TMCO5A: variants seen among roughly 807,000 people sequenced by gnomAD.
The protein encoded by TMCO5A is transmembrane and coiled-coil domains 5A, also known as transmembrane and coiled-coil domain-containing protein 5A.
A neutral mutation model predicts 42.3 loss-of-function variants in TMCO5A; 34 were observed. The ratio of observed to expected loss-of-function variants is 0.80; its 90% CI spans 0.61 to 1.07. TMCO5A has a LOEUF of 1.07. Among genes scored for constraint, TMCO5A ranks in the 50% least tolerant of loss-of-function variants. The probability of loss-of-function intolerance (pLI) is 0.00; values close to 1 mark genes in which losing one functional copy is unlikely to be tolerated. For missense variants in TMCO5A, 357 were observed against 327.9 expected, an observed-to-expected ratio of 1.09 and a Z score of -0.69; for synonymous variants, 131 against 115.6, an observed-to-expected ratio of 1.13 and a Z score of -0.86.
chr15:37,988,804 T>C, the TMCO5A span, among the ~76,000 whole-genome samples: 1 of 152,056 alleles, frequency 6.6e-6, no homozygotes, highest in African/African-American at 2.4e-5. Flanking sequence ...GTTTTGTAGT[T>C]TTCTTTTCTT....
chr15:37,944,044 T>C (rs948667315), intron 10 of TMCO5A: 7 of 152,148 alleles, frequency 4.6e-5, no homozygotes, highest in Non-Finnish European at 7.4e-5. Context: ...GGCTTTAATT[T>C]TGTAATTTAT....
chr15:37,959,211 C>T (rs554723405), intron 11 of TMCO5A, among the ~76,000 whole-genome samples: 1 of 152,042 alleles, frequency 6.6e-6, no homozygotes, highest in East Asian at 1.9e-4. Flanking sequence ...CACGTGTATA[C>T]GTATGTAATA....
chr15:37,990,041 C>T, the TMCO5A span, among the ~76,000 whole-genome samples: 1 of 152,056 alleles, frequency 6.6e-6, no homozygotes, highest in Non-Finnish European at 1.5e-5. Flanking sequence ...AATTTCTGAT[C>T]TATCATAGGT....
At chr15:38,014,853 T>TTATATATATATATATATA in the TMCO5A span, among the ~76,000 whole-genome samples, 6 of 54,628 alleles carry the variant, frequency 1.1e-4, no homozygotes, top group Non-Finnish European at 2.0e-4. Flanking sequence ...AGGAGAAAGA[T>TTATATATATATATATATA]TATATATATA....
At chr15:37,963,949 G>T (rs925348589) in intron 11 of TMCO5A, among the ~76,000 whole-genome samples, 1 of 151,928 alleles carries the variant, frequency 6.6e-6, no homozygotes, top group Non-Finnish European at 1.5e-5. Context: ...CCTTTCTCTG[G>T]TGCCTCCCTG....
chr15:38,036,614 T>C, the TMCO5A span, among the ~76,000 whole-genome samples: 39,579 of 152,028 alleles, frequency 0.26, 5,317 homozygotes, highest in East Asian at 0.41. Flanking sequence ...GTCGTTCATG[T>C]TGTTTCTCAG....
the TMCO5A span, among the ~76,000 whole-genome samples, chr15:38,011,396 CGA>C: frequency 3.9e-5 from 6 of 152,006 alleles, no homozygotes; most frequent in South Asian, 8.3e-4. Context: ...TGACAGTGAT[CGA>C]GAGAGAGAGA....
At chr15:37,963,873 T>G (rs538743012) in intron 11 of TMCO5A, among the ~76,000 whole-genome samples, 3 of 152,268 alleles carry the variant, frequency 2.0e-5, no homozygotes, top group East Asian at 3.9e-4. Flanking sequence ...AATAGCTACC[T>G]CTTCCTTGAA....
At chr15:37,942,354 A>T in intron 9 of TMCO5A, 99 bp downstream of exon 9, 1 of 1,134,412 alleles carries the variant, frequency 8.8e-7, no homozygotes, top group Non-Finnish European at 1.3e-6. Context: ...TTGGAATTGA[A>T]TGAGTCCCGA....
the TMCO5A span, among the ~76,000 whole-genome samples, chr15:38,034,226 A>T: frequency 6.6e-6 from 1 of 152,168 alleles, no homozygotes; most frequent in Non-Finnish European, 1.5e-5. Context: ...CCCTCATGAC[A>T]TAATCACCTC....
intron 7 of TMCO5A, 35 bp downstream of exon 7, chr15:37,941,240 A>G (rs75664514): frequency 0.022 from 35,531 of 1,599,978 alleles, 503 homozygotes; most frequent in Non-Finnish European, 0.026. Context: ...CTTCTCCCCA[A>G]AAAGGGAAAT....
chr15:38,021,710 A>T, the TMCO5A span, among the ~76,000 whole-genome samples: 1 of 152,144 alleles, frequency 6.6e-6, no homozygotes, highest in Non-Finnish European at 1.5e-5. Context: ...GTCGTGTTTT[A>T]TTACAGATTA....
the TMCO5A span, among the ~76,000 whole-genome samples, chr15:37,996,813 T>C: frequency 1.3e-5 from 2 of 152,196 alleles, no homozygotes; most frequent in Admixed American, 6.5e-5. Flanking sequence ...CACTGGCAGC[T>C]TGATGACGCC....
chr15:38,015,407 G>A, the TMCO5A span, among the ~76,000 whole-genome samples: 4 of 152,118 alleles, frequency 2.6e-5, no homozygotes, highest in Non-Finnish European at 5.9e-5. Context: ...ACAACACCAA[G>A]TGCTAAAAGA....
At chr15:38,029,256 G>C in the TMCO5A span, among the ~76,000 whole-genome samples, 13 of 151,866 alleles carry the variant, frequency 8.6e-5, no homozygotes, top group East Asian at 1.9e-3. Context: ...GTCATTTAGG[G>C]CTGCTATTAA....
chr15:37,944,526 C>G (rs1889864909), intron 10 of TMCO5A: 1 of 152,092 alleles, frequency 6.6e-6, no homozygotes, highest in East Asian at 1.9e-4. Flanking sequence ...TAATCTTACT[C>G]AAACTATAGA....
chr15:38,016,014 A>C, the TMCO5A span, among the ~76,000 whole-genome samples: 1 of 152,202 alleles, frequency 6.6e-6, no homozygotes, highest in Non-Finnish European at 1.5e-5. Flanking sequence ...ATCCAAACCC[A>C]CAGAATGTAC....
intron 7 of TMCO5A, 83 bp downstream of exon 7, chr15:37,941,288 G>A: frequency 7.2e-7 from 1 of 1,388,208 alleles, no homozygotes; most frequent in Non-Finnish European, 1.0e-6. Flanking sequence ...TCAAGTGATT[G>A]ATTTACATTA....
At chr15:37,977,523 C>T in the TMCO5A span, among the ~76,000 whole-genome samples, 1 of 152,268 alleles carries the variant, frequency 6.6e-6, no homozygotes, top group Admixed American at 6.5e-5. Flanking sequence ...CAGTAGATGG[C>T]ACTTAAGTGT....
Sources: allele counts gnomAD v4.1 joint callset (sites outside exome capture counted in the v4.1 genomes callset), GRCh38; gene constraint gnomAD v4.1.1; transcripts MANE v1.5; gene names NCBI Gene and HGNC (gene_info 2026-07-23, HGNC 2026-07-21).